Variants in LOC128092253 observed in about 807,000 individuals in gnomAD.
the LOC128092253 span, among the ~76,000 whole-genome samples, chr6:133,974,441 C>T: frequency 6.6e-6 from 1 of 152,204 alleles, no homozygotes; most frequent in African/African-American, 2.4e-5. Flanking sequence ...TCAAGCAATT[C>T]TCCTTCCTCA....
the LOC128092253 span, chr6:133,953,352 C>T: frequency 6.5e-6 from 1 of 153,036 alleles, no homozygotes; most frequent in Non-Finnish European, 1.5e-5. Flanking sequence ...TGTCCTCCAG[C>T]TTCTCCTTCG....
At chr6:133,956,358 T>C in the LOC128092253 span, among the ~76,000 whole-genome samples, 2 of 152,236 alleles carry the variant, frequency 1.3e-5, no homozygotes, top group African/African-American at 4.8e-5. Flanking sequence ...TGTGCAAAGC[T>C]GGATGAGAGA....
At chr6:133,979,657 T>G in the LOC128092253 span, among the ~76,000 whole-genome samples, 1 of 152,276 alleles carries the variant, frequency 6.6e-6, no homozygotes, top group South Asian at 2.1e-4. Flanking sequence ...TGATTTGGTT[T>G]GTTTGTTTTG....
the LOC128092253 span, among the ~76,000 whole-genome samples, chr6:133,955,263 T>A: frequency 6.7e-6 from 1 of 149,322 alleles, no homozygotes; most frequent in African/African-American, 2.5e-5. Context: ...TCTTCATTGT[T>A]TGAGTGAGGG....
the LOC128092253 span, among the ~76,000 whole-genome samples, chr6:133,961,542 C>T: frequency 6.9e-6 from 1 of 145,674 alleles, no homozygotes; most frequent in Non-Finnish European, 1.5e-5. Flanking sequence ...AATCTCGGCT[C>T]ATTGCAACCT....
the LOC128092253 span, among the ~76,000 whole-genome samples, chr6:133,978,580 G>C: frequency 6.6e-6 from 1 of 152,144 alleles, no homozygotes; most frequent in Non-Finnish European, 1.5e-5. Context: ...AAAATTATTT[G>C]AGGTAGCTCA....
chr6:133,977,675 T>C, the LOC128092253 span, among the ~76,000 whole-genome samples: 2 of 152,242 alleles, frequency 1.3e-5, no homozygotes, highest in South Asian at 2.1e-4. Context: ...TAGGTTTGGC[T>C]GTATATCACA....
chr6:133,964,596 C>T, the LOC128092253 span, among the ~76,000 whole-genome samples: 1 of 151,174 alleles, frequency 6.6e-6, no homozygotes, highest in Non-Finnish European at 1.5e-5. Context: ...ACTACAGGTG[C>T]CTGCCACCAC....
At chr6:133,976,640 C>T in the LOC128092253 span, among the ~76,000 whole-genome samples, 1 of 152,194 alleles carries the variant, frequency 6.6e-6, no homozygotes, top group African/African-American at 2.4e-5. Context: ...TAAATTATGT[C>T]ACTACACTTA....
chr6:133,968,397 G>A, the LOC128092253 span, among the ~76,000 whole-genome samples: 15 of 152,034 alleles, frequency 9.9e-5, no homozygotes, highest in African/African-American at 3.6e-4. Context: ...TCTCATCTTT[G>A]CGTTTGAATT....
chr6:133,976,954 C>T, the LOC128092253 span, among the ~76,000 whole-genome samples: 4 of 140,452 alleles, frequency 2.8e-5, no homozygotes, highest in Admixed American at 7.5e-5. Context: ...GGCAACAAAG[C>T]GAGACTTGGT....
the LOC128092253 span, among the ~76,000 whole-genome samples, chr6:133,971,171 A>G: frequency 3.3e-5 from 5 of 150,822 alleles, no homozygotes; most frequent in African/African-American, 1.2e-4. Context: ...AAGATTCCAC[A>G]TACAAGTGAG....
chr6:133,973,036 AG>A, the LOC128092253 span, among the ~76,000 whole-genome samples: 1 of 152,232 alleles, frequency 6.6e-6, no homozygotes, highest in Non-Finnish European at 1.5e-5. Flanking sequence ...CAGATACGAA[AG>A]AACATCGTTC....
chr6:133,966,270 G>A, the LOC128092253 span, among the ~76,000 whole-genome samples: 1 of 152,154 alleles, frequency 6.6e-6, no homozygotes, highest in Non-Finnish European at 1.5e-5. Flanking sequence ...TGCTTCTGAG[G>A]AGCTTATTGT....
the LOC128092253 span, among the ~76,000 whole-genome samples, chr6:133,973,615 C>T: frequency 1.3e-5 from 2 of 152,148 alleles, no homozygotes; most frequent in Non-Finnish European, 1.5e-5. Context: ...ATTGTAGTTG[C>T]TGGAGTAATG....
the LOC128092253 span, among the ~76,000 whole-genome samples, chr6:133,955,367 T>C: frequency 3.3e-5 from 5 of 151,866 alleles, no homozygotes; most frequent in Non-Finnish European, 5.9e-5. Flanking sequence ...GTAGTTTAGT[T>C]ACTGTCTTTT....
the LOC128092253 span, among the ~76,000 whole-genome samples, chr6:133,979,243 TAATG>T: frequency 6.6e-6 from 1 of 152,162 alleles, no homozygotes; most frequent in Non-Finnish European, 1.5e-5. Context: ...AGAAAGAAAA[TAATG>T]AATGAATGGT....
the LOC128092253 span, among the ~76,000 whole-genome samples, chr6:133,979,822 T>G: frequency 6.6e-6 from 1 of 152,032 alleles, no homozygotes; most frequent in African/African-American, 2.4e-5. Flanking sequence ...AATTTTTGTA[T>G]TTTTAGTAGA....
At chr6:133,966,627 C>T in the LOC128092253 span, among the ~76,000 whole-genome samples, 1 of 152,180 alleles carries the variant, frequency 6.6e-6, no homozygotes, top group East Asian at 1.9e-4. Flanking sequence ...GTTAACCCCT[C>T]CTACCTTTCT....
Sources: gnomAD v4.1 joint callset for allele counts (sites outside exome capture counted in the v4.1 genomes callset) on GRCh38, gnomAD v4.1.1 for gene constraint, MANE v1.5 for transcripts.